Variants in ZC3H15 observed in about 807,000 individuals in gnomAD.
The protein encoded by ZC3H15 is zinc finger CCCH domain-containing protein 15.
In ZC3H15, 15 loss-of-function variants were observed where a neutral mutation model predicts 51.2. The observed-to-expected ratio is 0.29, with a 90% CI of 0.20 to 0.45. The LOEUF (loss-of-function observed/expected upper bound fraction) is 0.45. Ranked by LOEUF, ZC3H15 falls within the 20% of genes least tolerant of loss-of-function variation. The probability of loss-of-function intolerance (pLI) is 1.00; values close to 1 mark genes in which losing one functional copy is unlikely to be tolerated. For missense variants in ZC3H15, 381 were observed against 494.7 expected, an observed-to-expected ratio of 0.77 and a Z score of 2.18; for synonymous variants, 144 against 162.8, an observed-to-expected ratio of 0.88 and a Z score of 0.88.
intron 7 of ZC3H15, 57 bp downstream of exon 7, chr2:186,505,654 T>C (rs1174706061): frequency 1.2e-6 from 2 of 1,601,824 alleles, no homozygotes; most frequent in Non-Finnish European, 1.7e-6. Context: ...AATTTCTGTG[T>C]CATGCAAGAT....
In ZC3H15 at chr2:186,501,246, A is replaced by G. The variant is rs1490777021; in HGVS notation, c.290-27A>G. ...ACTTTACAGCCTGGCAGATTATAATACAAATACCATATGCCATTTGACATA... is the reference window on the plus strand; with the variant it reads ...ACTTTACAGCCTGGCAGATTATAATGCAAATACCATATGCCATTTGACATA... On this transcript the variant is annotated intron_variant, in intron 3 of 9. Coordinates refer to ENST00000337859, the MANE Select transcript of ZC3H15 (RefSeq NM_018471.3). The G allele has an allele frequency of 2.5e-6, 4 of 1,569,198 alleles. No homozygotes were observed. In the South Asian group the frequency reaches 3.6e-5, roughly 14 times the overall value.
intron 1 of ZC3H15, among the ~76,000 whole-genome samples, chr2:186,490,822 C>G (rs1256699041): frequency 1.3e-5 from 2 of 152,174 alleles, no homozygotes; most frequent in African/African-American, 4.8e-5. Context: ...GGAAGTCATC[C>G]TTTTCTTTCG....
At chr2:186,504,865 A>G (rs1456207993) in intron 6 of ZC3H15, among the ~76,000 whole-genome samples, 1 of 152,218 alleles carries the variant, frequency 6.6e-6, no homozygotes, top group Non-Finnish European at 1.5e-5. Flanking sequence ...CTTCAGAATC[A>G]GGTATATTTG....
Position 186,504,224 on chromosome 2 carries a change from A to T in ZC3H15, c.717+10A>T. 6.4e-7 allele frequency: 1 copy of T among 1,552,774 alleles called. No homozygotes were observed. Among genetic ancestry groups the T allele is most frequent in the Non-Finnish European group, 8.7e-7 (1 of 1,149,582 alleles). On this transcript the variant is annotated intron_variant, in intron 6 of 9. Transcript: ENST00000337859. ...TCTAATTGAGAGAGAGGTAACTGGT[A>T]TCCTTTTCCTACCATAAAAACTGAA...
chr2:186,504,259 T>G (rs763227411), intron 6 of ZC3H15, 45 bp downstream of exon 6: 3 of 1,473,932 alleles, frequency 2.0e-6, no homozygotes, highest in Non-Finnish European at 2.7e-6. Flanking sequence ...AAGCAGTATT[T>G]ATTGTGAAAT....
At chr2:186,500,333 G>A (rs758827270) in intron 3 of ZC3H15, 40 bp downstream of exon 3, 27 of 1,468,694 alleles carry the variant, frequency 1.8e-5, no homozygotes, top group African/African-American at 2.8e-5. Flanking sequence ...TTTATCAAAT[G>A]TAGTTTATGC....
chr2:186,506,365 A>G (rs1685467609), intron 8 of ZC3H15, among the ~76,000 whole-genome samples: 1 of 152,246 alleles, frequency 6.6e-6, no homozygotes, highest in Admixed American at 6.5e-5. Context: ...TACTCTATAT[A>G]TAAAAATGTG....
intron 1 of ZC3H15, among the ~76,000 whole-genome samples, chr2:186,488,375 G>A (rs934814117): frequency 6.6e-6 from 1 of 152,068 alleles, no homozygotes; most frequent in African/African-American, 2.4e-5. Context: ...TTTTTGACAG[G>A]ATAGATTAGT....
rs372530132 is a variant in ZC3H15 at position 186,508,746 on chromosome 2, C to A, written c.*13C>A. 253 of 1,610,622 alleles carry A rather than the reference C, an allele frequency of 1.6e-4. No homozygotes were observed. Among genetic ancestry groups the A allele is most frequent in the Middle Eastern group, 1.5e-3 (9 of 6,022 alleles). ...TTTAGAAGAATGACACCAAACACAT[C>A]GCTGAAAAAATTAAGTCAGCTCAGC... is the stretch of plus-strand genomic sequence containing the variant. On this transcript the variant is annotated 3_prime_UTR_variant, in exon 10 of 10. Transcript: ENST00000337859.
Position 186,503,430 on chromosome 2 carries a change from G to A in ZC3H15, c.535-602G>A, listed in dbSNP as rs1200013928. Among the ~76,000 whole-genome samples, 3 of 152,266 alleles carry A rather than the reference G, an allele frequency of 2.0e-5. No homozygotes were observed. The East Asian group carries it at 5.8e-4, about 29-fold the overall frequency. ...TTGCTCTTGTTGCCCAAGCTGGAGT[G>A]CAGTGGCGCAATCTTAGCTCACTGC... On this transcript the variant is annotated intron_variant, in intron 5 of 9. Coordinates refer to ENST00000337859, the MANE Select transcript of ZC3H15 (RefSeq NM_018471.3).
At chr2:186,498,041 C>T (rs983025589) in intron 2 of ZC3H15, among the ~76,000 whole-genome samples, 1 of 152,202 alleles carries the variant, frequency 6.6e-6, no homozygotes, top group African/African-American at 2.4e-5. Flanking sequence ...TTTGCAACAT[C>T]TCTTCCTACA....
Position 186,502,507 on chromosome 2 carries a change from A to C in ZC3H15, c.454A>C (p.Asn152His). 1 of 1,612,044 alleles carries C rather than the reference A, an allele frequency of 6.2e-7. No homozygotes were observed. Among genetic ancestry groups the C allele is most frequent in the African/African-American group, 1.3e-5 (1 of 75,018 alleles). Residue 152 changes from asparagine to histidine, a missense_variant, in exon 5 of 10, where the codon AAT becomes CAT. Physicochemically the swap from Asn to His is moderately conservative, Grantham distance 68. This residue lies in a region of ZC3H15 where 41 missense variants were observed against 86.5 expected (regional missense o/e 0.47). Coordinates refer to ENST00000337859, the MANE Select transcript of ZC3H15 (RefSeq NM_018471.3). ...ATTTCTTTATTTAGATACTATGGAT[A>C]ATTGGGATGAGAAAAAGCTGGAAGA... ...DEELEKDTMD[N>H]WDEKKLEEVV...
chr2:186,489,165 C>T (rs1685155477), intron 1 of ZC3H15: 1 of 152,088 alleles, frequency 6.6e-6, no homozygotes, highest in African/African-American at 2.4e-5. Flanking sequence ...GGTCCAGGGA[C>T]CTGATGAGCT....
chr2:186,500,761 G>A (rs567399015), intron 3 of ZC3H15: 21 of 450,566 alleles, frequency 4.7e-5, no homozygotes, highest in South Asian at 2.4e-4. Context: ...TGCAACCTCC[G>A]ACTGTCTGGT....
chr2:186,497,410 T>A (rs539974145), intron 2 of ZC3H15, among the ~76,000 whole-genome samples: 1 of 152,284 alleles, frequency 6.6e-6, no homozygotes, highest in South Asian at 2.1e-4. Flanking sequence ...AAAATTAATG[T>A]TTAGAGCTCA....
chr2:186,506,602 C>A, intron 8 of ZC3H15, 111 bp from the exon 9 acceptor site: 1 of 1,280,308 alleles, frequency 7.8e-7, no homozygotes, highest in Non-Finnish European at 1.1e-6. Flanking sequence ...AGTAATTGGT[C>A]TTTTGTTTTC....
Position 186,505,470 on chromosome 2 carries a change from A to G in ZC3H15, c.737A>G (p.Asn246Ser). Residue 246 changes from asparagine to serine, a missense_variant, in exon 7 of 10, where the codon AAT becomes AGT. Around this residue, in one of 3 missense-constraint regions of ZC3H15, gnomAD observed 215 missense variants for 241.8 expected, o/e 0.89. Coordinates refer to ENST00000337859, the MANE Select transcript of ZC3H15 (RefSeq NM_018471.3). ...TTGCAGCGTTCTGCCCTAGGTCCAA[A>G]TGTTACCAAAATCACTCTAGAATCT... Reference protein sequence around the residue: ...IERERSALGPNVTKITLESFL... With the variant: ...IERERSALGPSVTKITLESFL... The G allele has an allele frequency of 6.4e-7, 1 of 1,570,826 alleles. No individual in the cohort carries two copies. Among genetic ancestry groups the G allele is most frequent in the Non-Finnish European group, 8.6e-7 (1 of 1,164,598 alleles).
At chr2:186,505,302 A>C (rs750626904) in intron 6 of ZC3H15, 149 bp from the exon 7 acceptor site, 4 of 913,224 alleles carry the variant, frequency 4.4e-6, no homozygotes, top group Non-Finnish European at 5.9e-6. Flanking sequence ...TTGCCACGTA[A>C]AGTAAAAAAA....
chr2:186,501,750 C>T (rs190585322), intron 4 of ZC3H15, among the ~76,000 whole-genome samples: 125 of 150,392 alleles, frequency 8.3e-4, no homozygotes, highest in Non-Finnish European at 1.3e-3. Context: ...TTGGCTCTGT[C>T]GCCCAGACTG....
Sources: gnomAD v4.1 joint callset for allele counts (sites outside exome capture counted in the v4.1 genomes callset) on GRCh38, gnomAD v4.1.1 for gene constraint, gnomAD v4.1.1 regional missense constraint, MANE v1.5 for transcripts, NCBI Gene and HGNC (gene_info 2026-07-23, HGNC 2026-07-21) for gene names.